PCDHA10: variants seen among roughly 807,000 people sequenced by gnomAD.
The protein encoded by PCDHA10 is protocadherin alpha-10.
PCDHA10 carries 45 observed loss-of-function variants against 61.2 expected under a neutral mutation model. The observed-to-expected ratio is 0.74, with a 90% CI of 0.58 to 0.94. The LOEUF (loss-of-function observed/expected upper bound fraction) is 0.94. Ranked by LOEUF, PCDHA10 falls within the 40% of genes least tolerant of loss-of-function variation. PCDHA10 has a pLI of 0.00. For missense variants in PCDHA10, 1,278 were observed against 1,236.2 expected (o/e 1.03, Z -0.51); for synonymous variants, 602 against 548.8 (o/e 1.10, Z -1.35).
At chr5:141,001,122 TAAAC>T (rs1274933487) in intron 3 of PCDHA10, among the ~76,000 whole-genome samples, 1 of 152,154 alleles carries the variant, frequency 6.6e-6, no homozygotes, top group African/African-American at 2.4e-5. Flanking sequence ...CAATAGTCCT[TAAAC>T]AAATGAATCT....
At chr5:140,875,251 A>T in intron 1 of PCDHA10, 1 of 1,029,376 alleles carries the variant, frequency 9.7e-7, no homozygotes. Context: ...ATAATCAGTC[A>T]CATGATGTCG....
intron 1 of PCDHA10, chr5:140,926,536 G>T (rs1420585785): frequency 4.6e-6 from 1 of 217,790 alleles, no homozygotes. Flanking sequence ...CGCAGCCAGC[G>T]TGGTGGTCGA....
At chr5:140,871,197 C>T (rs1554165260) in intron 1 of PCDHA10, 1 of 1,613,664 alleles carries the variant, frequency 6.2e-7, no homozygotes, top group Admixed American at 1.7e-5. Flanking sequence ...TCAACGTGTA[C>T]CTGATCATCG....
At chr5:140,998,722 G>A (rs572133347) in intron 3 of PCDHA10, among the ~76,000 whole-genome samples, 4 of 152,002 alleles carry the variant, frequency 2.6e-5, no homozygotes, top group Non-Finnish European at 4.4e-5. Flanking sequence ...GCACCACCAC[G>A]CTAGGCTAAT....
At chr5:140,872,016 C>T (rs2053445167) in intron 1 of PCDHA10, among the ~76,000 whole-genome samples, 1 of 152,182 alleles carries the variant, frequency 6.6e-6, no homozygotes, top group Non-Finnish European at 1.5e-5. Flanking sequence ...TGACCTGTAG[C>T]CTGGAACTGC....
intron 1 of PCDHA10, among the ~76,000 whole-genome samples, chr5:140,965,764 A>G (rs2095932618): frequency 6.6e-6 from 1 of 152,258 alleles, no homozygotes; most frequent in Non-Finnish European, 1.5e-5. Flanking sequence ...AATGGGTCAA[A>G]TAATAGATTT....
chr5:140,924,052 A>G (rs948483906), intron 1 of PCDHA10, among the ~76,000 whole-genome samples: 1 of 152,244 alleles, frequency 6.6e-6, no homozygotes, highest in Non-Finnish European at 1.5e-5. Context: ...AGTTCGGTAC[A>G]TCTTTACAGT....
At position 140,929,021 on chromosome 5, in the gene PCDHA10, G is replaced by C. The variant is rs782118774; in HGVS notation, c.2389-49928G>C. On this transcript the variant is annotated intron_variant, in intron 1 of 3. Coordinates refer to ENST00000307360, the MANE Select transcript of PCDHA10 (RefSeq NM_018901.4). ...TTCGTGTGTACCAAGTTGCACCAGA[G>C]CCCAGGCTGTTGCGCTCAGAGCTGC... is the stretch of plus-strand genomic sequence containing the variant. The C allele has an allele frequency of 2.5e-6, 4 of 1,614,072 alleles. No individual in the cohort carries two copies. The African/African-American group carries it at 5.3e-5, about 22-fold the overall frequency.
rs375332226 is a variant in PCDHA10 at position 141,003,567 on chromosome 5, ACTCCCAAAGTG to A, written c.2537-6057_2537-6047del. Among the ~76,000 whole-genome samples, 186 of 152,020 alleles carry A rather than the reference ACTCCCAAAGTG, an allele frequency of 1.2e-3. 1 individual carries two copies. Among genetic ancestry groups the A allele is most frequent in the African/African-American group, 4.1e-3 (172 of 41,464 alleles). On this transcript the variant is annotated intron_variant, in intron 3 of 3. Coordinates refer to ENST00000307360, the MANE Select transcript of PCDHA10 (RefSeq NM_018901.4). ...GCTTCAAGTGATCCACCTGCCTCAGACTCCCAAAGTGCTGGGATTTTAGATGTGAGCCACCA... is the reference window on the plus strand; with the variant it reads ...GCTTCAAGTGATCCACCTGCCTCAGACTGGGATTTTAGATGTGAGCCACCA...
intron 1 of PCDHA10, among the ~76,000 whole-genome samples, chr5:140,944,059 T>C (rs190208662): frequency 6.6e-6 from 1 of 152,296 alleles, no homozygotes; most frequent in East Asian, 1.9e-4. Flanking sequence ...TACAAAAAGG[T>C]TTCTTGTTAA....
chr5:140,862,359 C>T (rs1364549064), intron 1 of PCDHA10: 3 of 337,738 alleles, frequency 8.9e-6, no homozygotes, highest in African/African-American at 4.3e-5. Flanking sequence ...AAGGGACAGA[C>T]GACCCGCACC....
At chr5:140,898,383 G>A (rs1416953064) in intron 1 of PCDHA10, among the ~76,000 whole-genome samples, 1 of 152,164 alleles carries the variant, frequency 6.6e-6, no homozygotes, top group South Asian at 2.1e-4. Flanking sequence ...GTAAGGAAGG[G>A]ATCCAGTTTC....
chr5:140,967,495 C>G, intron 1 of PCDHA10: 1 of 1,613,306 alleles, frequency 6.2e-7, no homozygotes. Flanking sequence ...CGGCACAGAT[C>G]TCTGTGCGTG....
rs79336587 is a variant in PCDHA10 at position 140,997,550 on chromosome 5, C to T, written c.2537-12077C>T. Reference sequence around the variant, plus strand: ...ATAAAAATACATTATTATAATCTTACAGGACAACTGTCATATGTGTGGTCC... The same window carrying T: ...ATAAAAATACATTATTATAATCTTATAGGACAACTGTCATATGTGTGGTCC... On this transcript the variant is annotated intron_variant, in intron 3 of 3. Coordinates refer to ENST00000307360, the MANE Select transcript of PCDHA10 (RefSeq NM_018901.4). Among the ~76,000 whole-genome samples, 1,283 of 152,208 alleles carry T rather than the reference C, an allele frequency of 8.4e-3. 21 individuals carry two copies. The highest frequency in any genetic ancestry group is 0.029 in the African/African-American group (1,211 of 41,522).
intron 1 of PCDHA10, chr5:140,871,001 C>T (rs2052611705): frequency 1.9e-6 from 3 of 1,613,292 alleles, no homozygotes; most frequent in Admixed American, 1.7e-5. Flanking sequence ...ATAAGCACAA[C>T]GCGTGCCCTG....
At chr5:140,951,597 C>T (rs1445745403) in intron 1 of PCDHA10, among the ~76,000 whole-genome samples, 1 of 152,098 alleles carries the variant, frequency 6.6e-6, no homozygotes, top group East Asian at 1.9e-4. Flanking sequence ...ATCTCTCTCA[C>T]TGTTATGAGA....
rs78166744 is a variant in PCDHA10, at chr5:140,875,394, G to A, written c.2388+16958G>A. Reference sequence around the variant, plus strand: ...TACTAAATATGTACTTACAGAAAAGGGTGACTGCTCATAAAATACCTCAGG... The same window carrying A: ...TACTAAATATGTACTTACAGAAAAGAGTGACTGCTCATAAAATACCTCAGG... On this transcript the variant is annotated intron_variant, in intron 1 of 3. Coordinates refer to ENST00000307360, the MANE Select transcript of PCDHA10 (RefSeq NM_018901.4). The A allele has an allele frequency of 1.4e-3, 2,104 of 1,476,976 alleles. 18 individuals carry two copies. The African/African-American group carries it at 0.02, about 14-fold the overall frequency. The allele number at this position is 1,476,976 out of a possible 1,614,324, so 91.5% of individuals were successfully genotyped here.
Position 140,928,713 on chromosome 5 carries a change from T to C in PCDHA10, c.2389-50236T>C, listed in dbSNP as rs535812769. The C allele has an allele frequency of 3.1e-6, 5 of 1,614,142 alleles. No individual in the cohort carries two copies. In the African/African-American group the frequency reaches 6.7e-5, roughly 22 times the overall value. ...ACATCTCCCGGGCGTCTGACTCTAG[T>C]CTCTTTAGAATTTCAGCCAATATAG... On this transcript the variant is annotated intron_variant, in intron 1 of 3. Coordinates refer to ENST00000307360, the MANE Select transcript of PCDHA10 (RefSeq NM_018901.4).
rs1554217734 is a variant in PCDHA10 at position 140,946,611 on chromosome 5, A to AATATATATATATATATATATATATATAT, written c.2389-32317_2389-32316insTATATATATATATATATATATATATATA. Among the ~76,000 whole-genome samples, 579 of 86,182 alleles carry AATATATATATATATATATATATATATAT rather than the reference A, an allele frequency of 6.7e-3. 16 individuals are homozygous for AATATATATATATATATATATATATATAT. The highest frequency in any genetic ancestry group is 0.011 in the Middle Eastern group (2 of 184). 56.5% of individuals were successfully genotyped at this position (86,182 alleles called of 152,430 possible). A position where few individuals can be genotyped will look rare whatever the true frequency, so the allele number is the denominator to read the frequency against. On this transcript the variant is annotated intron_variant, in intron 1 of 3. Transcript: ENST00000307360. ...GGATGAATAGATAAAGAAAATGTGA[A>AATATATATATATATATATATATATATAT]ATATATATATATATATATATACAAT...
Sources: gnomAD v4.1 joint callset for allele counts (sites outside exome capture counted in the v4.1 genomes callset) on GRCh38, gnomAD v4.1.1 for gene constraint, MANE v1.5 for transcripts, NCBI Gene and HGNC (gene_info 2026-07-23, HGNC 2026-07-21) for gene names.